GRIN2A: variants seen among roughly 807,000 people sequenced by gnomAD.
GRIN2A encodes the protein glutamate ionotropic receptor NMDA type subunit 2A.
A neutral mutation model predicts 113.4 loss-of-function variants in GRIN2A; 22 were observed. That is an observed-to-expected ratio of 0.19 (90% CI 0.14 to 0.28). The LOEUF is 0.28. GRIN2A is among the 10% of genes least tolerant of loss of function. GRIN2A has a pLI of 1.00. For missense variants in GRIN2A, 1,502 were observed against 1,887.0 expected, an observed-to-expected ratio of 0.80 and a Z score of 3.78; for synonymous variants, 827 against 738.4, an observed-to-expected ratio of 1.12 and a Z score of -1.94.
At chr16:9,926,901 T>C (rs2044476987) in intron 3 of GRIN2A, among the ~76,000 whole-genome samples, 1 of 142,392 alleles carries the variant, frequency 7.0e-6, no homozygotes, top group African/African-American at 2.7e-5. Flanking sequence ...GACTTTACTT[T>C]TGGAAACAGG....
At chr16:10,035,932 C>T (rs1384716721) in intron 2 of GRIN2A, among the ~76,000 whole-genome samples, 1 of 152,134 alleles carries the variant, frequency 6.6e-6, no homozygotes, top group Non-Finnish European at 1.5e-5. Context: ...CCATGTTGGC[C>T]AGGCTGGTCT....
chr16:10,024,070 G>T (rs1248233906), intron 2 of GRIN2A, among the ~76,000 whole-genome samples: 1 of 152,122 alleles, frequency 6.6e-6, no homozygotes, highest in East Asian at 1.9e-4. Flanking sequence ...CCAAAGACAT[G>T]TTCTTAAGAA....
At chr16:9,884,200 C>G (rs2043544376) in intron 4 of GRIN2A, among the ~76,000 whole-genome samples, 1 of 152,114 alleles carries the variant, frequency 6.6e-6, no homozygotes, top group South Asian at 2.1e-4. Context: ...TTTTTAAAAG[C>G]TAGCCTGTAT....
Position 9,769,078 on chromosome 16 carries a change from C to T in GRIN2A, c.2368G>A (p.Glu790Lys). The change falls in exon 12 of 13, where the codon GAG (glutamate) becomes AAG (lysine). Residue 790 changes from glutamate (E) to lysine (K), a missense_variant. By Grantham distance (56) the Glu-to-Lys change is moderately conservative. Transcript: ENST00000330684. The part of the protein sequence containing the change: ...LQFVGDGEME[E>K]LETLWLTGIC... The stretch of plus-strand genomic sequence containing the variant: ...CCAGTGAGCCACAGGGTCTCCAGCT[C>T]CTCCATCTCACCTGGACAGATCACA... The T allele has an allele frequency of 6.2e-7, 1 of 1,613,368 alleles. No homozygotes were observed. The highest frequency in any genetic ancestry group is 8.5e-7 in the Non-Finnish European group (1 of 1,179,318).
In GRIN2A at chr16:9,890,981, C is replaced by T; in HGVS notation, c.1122+5G>A. 1 of 1,569,012 alleles carries T rather than the reference C, an allele frequency of 6.4e-7. No individual in the cohort carries two copies. Among genetic ancestry groups the T allele is most frequent in the Non-Finnish European group, 8.8e-7 (1 of 1,138,926 alleles). ...CCTGCATTCAGCACACAGAAGGATG[C>T]TCACCTTTTCCCATTCCCGGTCTTT... is the stretch of plus-strand genomic sequence containing the variant. On this transcript the variant is annotated splice_donor_5th_base_variant and intron_variant, in intron 4 of 12. Coordinates refer to ENST00000330684, the MANE Select transcript of GRIN2A (RefSeq NM_001134407.3).
chr16:9,840,896 T>A (rs2141344406), intron 6 of GRIN2A, 40 bp downstream of exon 6: 1 of 1,610,610 alleles, frequency 6.2e-7, no homozygotes, highest in Non-Finnish European at 8.5e-7. Context: ...TGCAGGCCCT[T>A]TGTCTGAGTA....
chr16:10,170,862 G>A lies in GRIN2A; in HGVS notation c.414+9136C>T, dbSNP rs187532326. Among the ~76,000 whole-genome samples the A allele has an allele frequency of 1.7e-3, 252 of 144,974 alleles. 2 individuals carry two copies. Among genetic ancestry groups the A allele is most frequent in the Admixed American group, 3.2e-3 (45 of 13,958 alleles). On this transcript the variant is annotated intron_variant, in intron 2 of 12. Transcript: ENST00000330684. ...ACTGCACTCCAGCCTGGGCAACAGA[G>A]TGAAACACTGTTTTCTTTAAAAAAA...
At chr16:10,158,346 G>C (rs1388655219) in intron 2 of GRIN2A, among the ~76,000 whole-genome samples, 2 of 152,178 alleles carry the variant, frequency 1.3e-5, no homozygotes, top group Admixed American at 1.3e-4. Flanking sequence ...TCTGGTGGTG[G>C]GAGTAGGGGG....
At chr16:10,027,347 T>C (rs1002320335) in intron 2 of GRIN2A, among the ~76,000 whole-genome samples, 42 of 152,040 alleles carry the variant, frequency 2.8e-4, no homozygotes, top group Admixed American at 2.0e-4. Context: ...AACCCAAGTA[T>C]TAACGTTAGA....
At chr16:9,944,861 C>T (rs1005979164) in intron 2 of GRIN2A, among the ~76,000 whole-genome samples, 6 of 152,170 alleles carry the variant, frequency 3.9e-5, no homozygotes, top group Non-Finnish European at 5.9e-5. Flanking sequence ...GACATTCATC[C>T]GTGGATTGTC....
At chr16:10,083,465 G>C (rs1259627114) in intron 2 of GRIN2A, among the ~76,000 whole-genome samples, 1 of 152,200 alleles carries the variant, frequency 6.6e-6, no homozygotes, top group African/African-American at 2.4e-5. Context: ...TACTTGTATA[G>C]CTACCTGATG....
chr16:10,155,309 C>T (rs2049666488), intron 2 of GRIN2A, among the ~76,000 whole-genome samples: 1 of 152,118 alleles, frequency 6.6e-6, no homozygotes, highest in South Asian at 2.1e-4. Flanking sequence ...TTATTACCAT[C>T]CCCCATCACA....
intron 11 of GRIN2A, among the ~76,000 whole-genome samples, chr16:9,786,435 A>G (rs985600074): frequency 6.6e-6 from 1 of 152,132 alleles, no homozygotes; most frequent in Admixed American, 6.6e-5. Flanking sequence ...CACCATGAAC[A>G]ATGGAAAAAA....
In GRIN2A at chr16:10,168,737, G is replaced by A. The variant is rs186473536; in HGVS notation, c.414+11261C>T. 1.3e-3 allele frequency among the ~76,000 whole-genome samples: 193 copies of A among 152,192 alleles called. 7 individuals are homozygous for A. In the East Asian group the frequency reaches 0.033, roughly 26 times the overall value. On this transcript the variant is annotated intron_variant, in intron 2 of 12. Coordinates refer to ENST00000330684, the MANE Select transcript of GRIN2A (RefSeq NM_001134407.3). ...GTCCAGCACTTTAGGAGGCCAAAGC[G>A]GGTGGATCACCTGAGGTCAGGAGTT...
chr16:10,179,550 TTA>T lies in GRIN2A; in HGVS notation c.414+446_414+447del, dbSNP rs199777015. The stretch of plus-strand genomic sequence containing the variant: ...CATTTAATAATTTTTAGAAATAGTT[TTA>T]GTCACTTACCATAAGAGGAAAAAAT... On this transcript the variant is annotated intron_variant, in intron 2 of 12. Transcript: ENST00000330684. The T allele has an allele frequency of 8.0e-4, 151 of 188,734 alleles. 2 individuals are homozygous for T. The East Asian group carries it at 0.019, about 24-fold the overall frequency. 11.7% of individuals were successfully genotyped at this position (188,734 alleles called of 1,614,324 possible). A position where few individuals can be genotyped will look rare whatever the true frequency, so the allele number is the denominator to read the frequency against.
rs1439150433 is a variant in GRIN2A at position 10,180,712 on chromosome 16, T to G, written c.-18-283A>C. 3 of 550,864 alleles carry G rather than the reference T, an allele frequency of 5.4e-6. No individual in the cohort carries two copies. The highest frequency in any genetic ancestry group is 9.8e-6 in the Non-Finnish European group (3 of 307,104). The allele number at this position is 550,864 out of a possible 1,614,324, so 34.1% of individuals were successfully genotyped here. A position where few individuals can be genotyped will look rare whatever the true frequency, so the allele number is the denominator to read the frequency against. ...CTCCAGGCACTTCCCCATCCCCATC[T>G]CTGTCCATATCCCCCACCGCATTCC... On this transcript the variant is annotated intron_variant, in intron 1 of 12. Transcript: ENST00000330684. The surrounding 1 kb of genome is among the most constrained non-coding windows in gnomAD (Gnocchi z 7.0).
chr16:9,863,328 A>G (rs1418190576), intron 4 of GRIN2A, among the ~76,000 whole-genome samples: 1 of 152,168 alleles, frequency 6.6e-6, no homozygotes, highest in Admixed American at 6.5e-5. Flanking sequence ...CCACTTTGGG[A>G]AGGGGCAACA....
At chr16:9,940,954 A>G (rs1016282410) in intron 2 of GRIN2A, among the ~76,000 whole-genome samples, 3 of 152,216 alleles carry the variant, frequency 2.0e-5, no homozygotes, top group Non-Finnish European at 2.9e-5. Flanking sequence ...CGCCAACCTC[A>G]CACACTGTGA....
intron 2 of GRIN2A, among the ~76,000 whole-genome samples, chr16:9,962,921 C>T (rs181048587): frequency 1.3e-5 from 2 of 151,998 alleles, no homozygotes; most frequent in African/African-American, 4.8e-5. Flanking sequence ...CACATATACA[C>T]CATGGAATAC....
Sources: allele counts gnomAD v4.1 joint callset (sites outside exome capture counted in the v4.1 genomes callset), GRCh38; gene constraint gnomAD v4.1.1; non-coding constraint Gnocchi (gnomAD v3.1); transcripts MANE v1.5; gene names NCBI Gene and HGNC (gene_info 2026-07-23, HGNC 2026-07-21).